Variants in IFT56 observed in about 807,000 individuals in gnomAD.
IFT56 encodes the protein intraflagellar transport 56, also known as intraflagellar transport protein 56.
chr7:139,144,351 T>G, the IFT56 span, among the ~76,000 whole-genome samples: 1 of 152,132 alleles, frequency 6.6e-6, no homozygotes, highest in Non-Finnish European at 1.5e-5. Context: ...ATGTTAGCCA[T>G]CAGTCTAATT....
At chr7:139,174,742 C>T in the IFT56 span, among the ~76,000 whole-genome samples, 4 of 152,098 alleles carry the variant, frequency 2.6e-5, no homozygotes, top group South Asian at 2.1e-4. Flanking sequence ...ATACAAGGCC[C>T]GGGTGCCGTG....
chr7:139,162,254 A>T, the IFT56 span, among the ~76,000 whole-genome samples: 1 of 152,170 alleles, frequency 6.6e-6, no homozygotes, highest in African/African-American at 2.4e-5. Context: ...CCCCATCCCC[A>T]GGGAATCTTA....
the IFT56 span, among the ~76,000 whole-genome samples, chr7:139,160,679 G>A: frequency 5.9e-5 from 9 of 152,042 alleles, no homozygotes; most frequent in South Asian, 2.1e-4. Context: ...TTTGTGATCC[G>A]CCCGCCTTGG....
the IFT56 span, chr7:139,134,882 T>C: frequency 5.8e-6 from 8 of 1,373,362 alleles, no homozygotes; most frequent in Non-Finnish European, 7.9e-6. Context: ...GCTCTTGAAA[T>C]AGGTGGGTGC....
chr7:139,138,679 T>G, the IFT56 span, among the ~76,000 whole-genome samples: 2 of 152,220 alleles, frequency 1.3e-5, no homozygotes, highest in African/African-American at 2.4e-5. Context: ...TTTCCTTTGC[T>G]TGGTTATTTT....
chr7:139,177,978 G>T, the IFT56 span, among the ~76,000 whole-genome samples: 1 of 152,116 alleles, frequency 6.6e-6, no homozygotes, highest in African/African-American at 2.4e-5. Flanking sequence ...CCTGCAGGGC[G>T]TGTGTTCATT....
At chr7:139,134,650 TA>T in the IFT56 span, 1 of 1,602,938 alleles carries the variant, frequency 6.2e-7, no homozygotes, top group East Asian at 2.2e-5. Flanking sequence ...TTGTTTCTTT[TA>T]CAGATGCTTT....
the IFT56 span, among the ~76,000 whole-genome samples, chr7:139,180,366 G>T: frequency 1.3e-5 from 2 of 151,292 alleles, no homozygotes; most frequent in African/African-American, 4.9e-5. Flanking sequence ...ACTTTACTTT[G>T]TCTCTGTCTC....
At chr7:139,159,899 A>G in the IFT56 span, among the ~76,000 whole-genome samples, 1 of 152,328 alleles carries the variant, frequency 6.6e-6, no homozygotes, top group South Asian at 2.1e-4. Flanking sequence ...AAGGCATATT[A>G]TTACTACCAT....
chr7:139,173,855 A>G, the IFT56 span: 1 of 708,260 alleles, frequency 1.4e-6, no homozygotes, highest in South Asian at 1.5e-5. Flanking sequence ...GTATTTCTAT[A>G]GTTACTGTTG....
the IFT56 span, chr7:139,133,985 G>C: frequency 2.5e-6 from 3 of 1,182,868 alleles, no homozygotes; most frequent in East Asian, 4.7e-5. Context: ...AGCTCTCCCT[G>C]TGTTCCCACG....
At chr7:139,177,713 G>A in the IFT56 span, among the ~76,000 whole-genome samples, 2 of 151,684 alleles carry the variant, frequency 1.3e-5, no homozygotes, top group Non-Finnish European at 2.9e-5. Flanking sequence ...GGAGCCTTAG[G>A]AATGTCTGTG....
chr7:139,176,902 G>A, the IFT56 span, among the ~76,000 whole-genome samples: 7 of 152,142 alleles, frequency 4.6e-5, no homozygotes, highest in Admixed American at 6.5e-5. Context: ...GGCCAGGTGC[G>A]GTGGTTCACA....
the IFT56 span, chr7:139,139,879 A>G: frequency 1.9e-6 from 3 of 1,585,394 alleles, no homozygotes; most frequent in East Asian, 6.7e-5. Flanking sequence ...ACTGCTTACT[A>G]TATATTTCAG....
chr7:139,141,411 G>A, the IFT56 span, among the ~76,000 whole-genome samples: 9 of 152,184 alleles, frequency 5.9e-5, no homozygotes, highest in Middle Eastern at 3.4e-3. Context: ...CTACAGCCAC[G>A]CCCACCACCA....
the IFT56 span, among the ~76,000 whole-genome samples, chr7:139,170,031 T>A: frequency 6.6e-6 from 1 of 152,032 alleles, no homozygotes; most frequent in East Asian, 1.9e-4. Context: ...GTATACACCA[T>A]ACAACCAATA....
chr7:139,172,814 T>A, the IFT56 span: 1 of 654,132 alleles, frequency 1.5e-6, no homozygotes, highest in Non-Finnish European at 3.0e-6. Flanking sequence ...ATTTCATTAG[T>A]TTTTCTCCCT....
At chr7:139,189,271 A>T in the IFT56 span, 1 of 1,371,576 alleles carries the variant, frequency 7.3e-7, no homozygotes, top group Non-Finnish European at 1.0e-6. Flanking sequence ...TTTATTTTTT[A>T]ATTTTCATTC....
chr7:139,189,486 C>T, the IFT56 span: 1 of 1,210,064 alleles, frequency 8.3e-7, no homozygotes, highest in Non-Finnish European at 1.2e-6. Context: ...AACTGGAAAT[C>T]ATTTTCACTC....
Sources: allele counts gnomAD v4.1 joint callset (sites outside exome capture counted in the v4.1 genomes callset), GRCh38; gene constraint gnomAD v4.1.1; transcripts MANE v1.5; gene names NCBI Gene and HGNC (gene_info 2026-07-23, HGNC 2026-07-21).